The following GBE1 variants were observed in gnomAD, a reference collection of about 807,000 sequenced individuals.
The protein encoded by GBE1 is 1,4-alpha-glucan branching enzyme 1.
In GBE1, 70 loss-of-function variants were observed where a neutral mutation model predicts 88.8. The observed-to-expected ratio is 0.79, with a 90% CI of 0.65 to 0.96. GBE1 has a LOEUF of 0.96. Ranked by LOEUF, GBE1 falls within the 40% of genes least tolerant of loss-of-function variation. The probability of loss-of-function intolerance (pLI) is 0.00; values close to 1 mark genes in which losing one functional copy is unlikely to be tolerated. For missense variants in GBE1, 872 were observed against 871.0 expected, an observed-to-expected ratio of 1.00 and a Z score of -0.01; for synonymous variants, 284 against 300.1, an observed-to-expected ratio of 0.95 and a Z score of 0.56.
At chr3:81,581,119 A>G (rs1451525063) in intron 11 of GBE1, 46 bp downstream of exon 11, 1 of 618,260 alleles carries the variant, frequency 1.6e-6, no homozygotes, top group African/African-American at 1.9e-5. Flanking sequence ...GGAAGGAGGA[A>G]GAGAGAGAGA....
chr3:81,557,222 C>T (rs995713942), intron 12 of GBE1, among the ~76,000 whole-genome samples: 4 of 151,974 alleles, frequency 2.6e-5, no homozygotes, highest in South Asian at 2.1e-4. Flanking sequence ...CGACCTTGCA[C>T]GTTGTTTGTA....
chr3:81,590,753 G>A (rs891464729), intron 9 of GBE1, among the ~76,000 whole-genome samples: 1 of 152,090 alleles, frequency 6.6e-6, no homozygotes, highest in Non-Finnish European at 1.5e-5. Context: ...AGGTCTCATA[G>A]CGAAGGGCCT....
Position 81,577,968 on chromosome 3 carries a change from G to A in GBE1, c.1575C>T (p.Leu525=). 1 of 1,607,886 alleles carries A rather than the reference G, an allele frequency of 6.2e-7. No homozygotes were observed. The highest frequency in any genetic ancestry group is 8.5e-7 in the Non-Finnish European group (1 of 1,177,704). The part of the protein sequence containing the change: ...RGIQLHKMIR[L]ITHGLGGEGY... ...CTTCTCCACCAAGCCCATGCGTAATGAGTCGAATCATTTTATGAAGCTGTA... is the reference window on the plus strand; with the variant it reads ...CTTCTCCACCAAGCCCATGCGTAATAAGTCGAATCATTTTATGAAGCTGTA... The change falls in exon 12 of 16, where the codon CTC becomes CTT. Residue 525 remains leucine, a synonymous_variant. Transcript: ENST00000429644.
At chr3:81,683,680 A>T (rs551419542) in intron 2 of GBE1, among the ~76,000 whole-genome samples, 2 of 152,296 alleles carry the variant, frequency 1.3e-5, no homozygotes, top group South Asian at 4.1e-4. Flanking sequence ...TCTGAATGAG[A>T]CCTATAAGGA....
intron 2 of GBE1, among the ~76,000 whole-genome samples, chr3:81,700,934 A>G (rs1705678285): frequency 6.6e-6 from 1 of 152,176 alleles, no homozygotes; most frequent in Non-Finnish European, 1.5e-5. Context: ...TAAGAACCCA[A>G]TTATTTTATA....
chr3:81,695,605 C>T (rs982001826), intron 2 of GBE1, among the ~76,000 whole-genome samples: 12 of 152,062 alleles, frequency 7.9e-5, no homozygotes, highest in African/African-American at 2.9e-4. Context: ...ATAGTAAAAA[C>T]CACTGAAGTG....
chr3:81,519,692 TA>T (rs1160978844), intron 14 of GBE1, among the ~76,000 whole-genome samples: 1 of 151,266 alleles, frequency 6.6e-6, no homozygotes, highest in East Asian at 1.9e-4. Flanking sequence ...TACTCTAGAA[TA>T]CAGAAAAAAA....
At chr3:81,567,157 T>A (rs915485926) in intron 12 of GBE1, among the ~76,000 whole-genome samples, 1 of 152,198 alleles carries the variant, frequency 6.6e-6, no homozygotes, top group African/African-American at 2.4e-5. Context: ...GGCAACTTAT[T>A]TGTCCTCATT....
chr3:81,598,206 C>T (rs1703985091), intron 7 of GBE1, among the ~76,000 whole-genome samples: 1 of 151,778 alleles, frequency 6.6e-6, no homozygotes. Context: ...AAATAAGAGA[C>T]ATTACTAAGC....
At chr3:81,645,805 T>A (rs1704754859) in intron 6 of GBE1, among the ~76,000 whole-genome samples, 1 of 152,226 alleles carries the variant, frequency 6.6e-6, no homozygotes, top group South Asian at 2.1e-4. Context: ...AAAATAATAA[T>A]CTGTATGAAT....
chr3:81,551,431 T>G (rs1234821704), intron 12 of GBE1, among the ~76,000 whole-genome samples: 1 of 152,128 alleles, frequency 6.6e-6, no homozygotes, highest in Non-Finnish European at 1.5e-5. Context: ...GGCCCCAGAA[T>G]CACTAAGCTA....
intron 12 of GBE1, among the ~76,000 whole-genome samples, chr3:81,574,257 T>C (rs1191352663): frequency 6.6e-6 from 1 of 151,382 alleles, no homozygotes; most frequent in East Asian, 1.9e-4. Context: ...AGCATTCAGG[T>C]ACCATATAGT....
At chr3:81,617,355 T>G (rs1280599148) in intron 7 of GBE1, among the ~76,000 whole-genome samples, 1 of 151,984 alleles carries the variant, frequency 6.6e-6, no homozygotes, top group African/African-American at 2.4e-5. Context: ...CTAAGTATAT[T>G]GTCACATTTC....
intron 3 of GBE1, among the ~76,000 whole-genome samples, chr3:81,658,234 T>C (rs555060524): frequency 6.6e-6 from 1 of 152,204 alleles, no homozygotes; most frequent in South Asian, 2.1e-4. Flanking sequence ...TAAAACTTCA[T>C]TAAAGGAAAA....
intron 12 of GBE1, among the ~76,000 whole-genome samples, chr3:81,561,820 C>T (rs960423646): frequency 1.3e-5 from 2 of 152,002 alleles, no homozygotes; most frequent in Non-Finnish European, 2.9e-5. Context: ...ATTAGTAAGG[C>T]CCTCATTCTG....
intron 12 of GBE1, among the ~76,000 whole-genome samples, chr3:81,565,018 C>T (rs776640549): frequency 5.3e-5 from 8 of 152,174 alleles, no homozygotes; most frequent in Non-Finnish European, 1.0e-4. Context: ...ACTTCCTTAA[C>T]TCCTAGTGCA....
intron 1 of GBE1, among the ~76,000 whole-genome samples, chr3:81,716,956 C>T (rs932549052): frequency 1.1e-4 from 17 of 152,146 alleles, no homozygotes; most frequent in African/African-American, 3.9e-4. Flanking sequence ...TGAAGGTAAG[C>T]CCTGTGAGAT....
intron 12 of GBE1, among the ~76,000 whole-genome samples, chr3:81,571,079 G>C (rs933809253): frequency 1.3e-5 from 2 of 152,084 alleles, no homozygotes; most frequent in African/African-American, 4.8e-5. Flanking sequence ...AAAATAAAAT[G>C]GAGGGAAAAA....
At chr3:81,648,792 T>C in intron 5 of GBE1, 64 bp downstream of exon 5, 1 of 972,316 alleles carries the variant, frequency 1.0e-6, no homozygotes, top group Non-Finnish European at 1.5e-6. Context: ...TGTAATTAGC[T>C]TTTCTAATAA....
Sources: allele counts gnomAD v4.1 joint callset (sites outside exome capture counted in the v4.1 genomes callset), GRCh38; gene constraint gnomAD v4.1.1; transcripts MANE v1.5; gene names NCBI Gene and HGNC (gene_info 2026-07-23, HGNC 2026-07-21).